Variants in GALNT1 observed in about 807,000 individuals in gnomAD.
GALNT1 encodes the protein GalNAc transferase 1.
GALNT1 carries 17 observed loss-of-function variants against 65.7 expected under a neutral mutation model. That is an observed-to-expected ratio of 0.26 (90% CI 0.18 to 0.39). The LOEUF (loss-of-function observed/expected upper bound fraction) is 0.39. Ranked by LOEUF, GALNT1 falls within the 10% of genes least tolerant of loss-of-function variation. The probability of loss-of-function intolerance (pLI) is 1.00; values close to 1 mark genes in which losing one functional copy is unlikely to be tolerated. For missense variants in GALNT1, 460 were observed against 672.8 expected, an observed-to-expected ratio of 0.68 and a Z score of 3.50; for synonymous variants, 210 against 219.7, an observed-to-expected ratio of 0.96 and a Z score of 0.39.
intron 1 of GALNT1, among the ~76,000 whole-genome samples, chr18:35,645,811 C>T (rs2047223969): frequency 6.6e-6 from 1 of 152,142 alleles, no homozygotes; most frequent in Non-Finnish European, 1.5e-5. Context: ...TTAACTGAAG[C>T]TTCATCATTA....
chr18:35,674,634 T>C (rs2144547080), intron 3 of GALNT1, among the ~76,000 whole-genome samples: 1 of 152,344 alleles, frequency 6.6e-6, no homozygotes, highest in Admixed American at 6.5e-5. Context: ...GTTAAGACTC[T>C]TCCCTTTCTT....
At chr18:35,664,262 C>T (rs1290131431) in intron 3 of GALNT1, 1 of 155,172 alleles carries the variant, frequency 6.4e-6, no homozygotes, top group Admixed American at 6.5e-5. Context: ...TCATTACTTA[C>T]ATCCCCAGAG....
chr18:35,600,219 T>A (rs2046564108), intron 1 of GALNT1, among the ~76,000 whole-genome samples: 1 of 152,206 alleles, frequency 6.6e-6, no homozygotes, highest in Non-Finnish European at 1.5e-5. Context: ...ATAGTTTTCC[T>A]TGTAGAGATC....
chr18:35,605,565 A>G (rs1598782278), intron 1 of GALNT1, among the ~76,000 whole-genome samples: 1 of 151,522 alleles, frequency 6.6e-6, no homozygotes, highest in East Asian at 1.9e-4. Flanking sequence ...ATTTTTTAAA[A>G]CTCTTAGATC....
intron 9 of GALNT1, among the ~76,000 whole-genome samples, chr18:35,697,051 A>G (rs1238096729): frequency 1.3e-5 from 2 of 152,236 alleles, no homozygotes; most frequent in East Asian, 1.9e-4. Context: ...AATGTCAAAA[A>G]TAGTAGTTTT....
At chr18:35,706,236 C>A (rs1433573885) in intron 11 of GALNT1, among the ~76,000 whole-genome samples, 1 of 152,042 alleles carries the variant, frequency 6.6e-6, no homozygotes, top group East Asian at 1.9e-4. Context: ...GCCGGCCGGG[C>A]GCGGTGGCTC....
intron 2 of GALNT1, among the ~76,000 whole-genome samples, chr18:35,661,768 G>A (rs1377971706): frequency 6.6e-6 from 1 of 152,124 alleles, no homozygotes. Context: ...TGATCAGGTT[G>A]AGGATCTTTT....
Position 35,654,550 on chromosome 18 carries a change from TTC to T in GALNT1, c.-103-6_-103-5del, listed in dbSNP as rs1156665780. ...TTTAAGTTAATCTTTTTTCCTTTCT[TTC>T]TCTATAGGGTATGAACGTGATTTCT... On this transcript the variant is annotated splice_polypyrimidine_tract_variant and splice_region_variant and intron_variant, in intron 1 of 11. Transcript: ENST00000269195. 4.5e-6 allele frequency: 2 copies of T among 445,736 alleles called. No individual in the cohort carries two copies. The highest frequency in any genetic ancestry group is 2.1e-5 in the African/African-American group (1 of 48,636). 27.6% of individuals were successfully genotyped at this position (445,736 alleles called of 1,614,324 possible). A position where few individuals can be genotyped will look rare whatever the true frequency, so the allele number is the denominator to read the frequency against.
In GALNT1 at chr18:35,689,089, A is replaced by T. The variant is rs2047914510; in HGVS notation, c.861-84A>T. 2.2e-5 allele frequency: 19 copies of T among 853,862 alleles called. No individual in the cohort carries two copies. In the South Asian group the frequency reaches 2.5e-4, roughly 11 times the overall value. The allele number at this position is 853,862 out of a possible 1,614,324, so 52.9% of individuals were successfully genotyped here. ...ATAAGTACTTACTCAGTAGTTATAA[A>T]TAGTTATGAAACAGCTTTTAAAAAC... On this transcript the variant is annotated intron_variant, in intron 6 of 11. Coordinates refer to ENST00000269195, the MANE Select transcript of GALNT1 (RefSeq NM_020474.4).
intron 1 of GALNT1, among the ~76,000 whole-genome samples, chr18:35,634,077 A>T (rs529357411): frequency 6.8e-4 from 103 of 152,174 alleles, no homozygotes; most frequent in Non-Finnish European, 1.2e-3. Flanking sequence ...AAGGCTCTCC[A>T]TTGTTTATTT....
chr18:35,620,723 C>T (rs1233487310), intron 1 of GALNT1, among the ~76,000 whole-genome samples: 1 of 150,454 alleles, frequency 6.6e-6, no homozygotes, highest in African/African-American at 2.4e-5. Flanking sequence ...CTAGTTTATT[C>T]GTTTTTCCTG....
intron 6 of GALNT1, among the ~76,000 whole-genome samples, chr18:35,687,682 T>A (rs1228284736): frequency 6.6e-6 from 1 of 152,130 alleles, no homozygotes; most frequent in Non-Finnish European, 1.5e-5. Flanking sequence ...TATAAAAAAA[T>A]TCATTAATCC....
At chr18:35,588,464 A>G (rs934938562) in intron 1 of GALNT1, among the ~76,000 whole-genome samples, 2 of 152,144 alleles carry the variant, frequency 1.3e-5, no homozygotes, top group African/African-American at 4.8e-5. Flanking sequence ...CTAAATCTGT[A>G]AGTTTATGTC....
chr18:35,588,441 T>C (rs2046402981), intron 1 of GALNT1, among the ~76,000 whole-genome samples: 1 of 152,152 alleles, frequency 6.6e-6, no homozygotes, highest in African/African-American at 2.4e-5. Context: ...CTGCTTGGGG[T>C]TCACTCAGAT....
intron 1 of GALNT1, among the ~76,000 whole-genome samples, chr18:35,607,749 C>T (rs753946573): frequency 2.0e-5 from 3 of 152,150 alleles, no homozygotes; most frequent in African/African-American, 4.8e-5. Flanking sequence ...GGTGAAAGAA[C>T]GGTCATGCTA....
intron 11 of GALNT1, among the ~76,000 whole-genome samples, chr18:35,708,750 C>T (rs2048306877): frequency 6.6e-6 from 1 of 152,166 alleles, no homozygotes; most frequent in African/African-American, 2.4e-5. Flanking sequence ...TCAAAATTAT[C>T]CTAATAACAT....
intron 3 of GALNT1, among the ~76,000 whole-genome samples, chr18:35,672,045 G>T (rs2047644782): frequency 6.6e-6 from 1 of 152,152 alleles, no homozygotes; most frequent in Non-Finnish European, 1.5e-5. Flanking sequence ...TATCTTGATA[G>T]TGGCAAAGTC....
intron 1 of GALNT1, chr18:35,596,669 C>G (rs1377828015): frequency 1.3e-5 from 2 of 152,168 alleles, no homozygotes; most frequent in African/African-American, 4.8e-5. Context: ...AATTTCAGGT[C>G]AGATATAGGT....
chr18:35,621,877 A>G (rs1265449017), intron 1 of GALNT1, among the ~76,000 whole-genome samples: 1 of 152,190 alleles, frequency 6.6e-6, no homozygotes, highest in African/African-American at 2.4e-5. Flanking sequence ...TCTGTCATAT[A>G]TGAAGTTTGC....
Sources: allele counts gnomAD v4.1 joint callset (sites outside exome capture counted in the v4.1 genomes callset), GRCh38; gene constraint gnomAD v4.1.1; transcripts MANE v1.5; gene names NCBI Gene and HGNC (gene_info 2026-07-23, HGNC 2026-07-21).